PREP: variants seen among roughly 807,000 people sequenced by gnomAD.
PREP encodes the protein prolyl endopeptidase.
In PREP, 29 loss-of-function variants were observed where a neutral mutation model predicts 87.6. That is an observed-to-expected ratio of 0.33 (90% CI 0.25 to 0.45). PREP has a LOEUF of 0.45. PREP is among the 20% of genes least tolerant of loss of function. The pLI, the probability that PREP is intolerant of heterozygous loss-of-function variation, is 1.00. For synonymous variants in PREP, 337 were observed against 328.6 expected, an observed-to-expected ratio of 1.03 and a Z score of -0.28; for missense variants, 695 against 886.5, an observed-to-expected ratio of 0.78 and a Z score of 2.74.
chr6:105,388,091 C>T (rs1049564226), intron 2 of PREP, among the ~76,000 whole-genome samples: 12 of 152,158 alleles, frequency 7.9e-5, no homozygotes, highest in Admixed American at 2.0e-4. Flanking sequence ...ATGCTCCCTC[C>T]GTAGCGCCCT....
chr6:105,277,330 G>A lies in PREP; in HGVS notation c.*814C>T, dbSNP rs1256567627. On this transcript the variant is annotated 3_prime_UTR_variant, in exon 15 of 15. Transcript: ENST00000652536. Reference sequence around the variant, plus strand: ...ACTCATGTGATCTCTTGGAACCAAGGATCCTTGGATCCAAGGAACTCTGAT... The same window carrying A: ...ACTCATGTGATCTCTTGGAACCAAGAATCCTTGGATCCAAGGAACTCTGAT... 6.6e-6 allele frequency among the ~76,000 whole-genome samples: 1 copy of A among 152,062 alleles called. No individual in the cohort carries two copies. Among genetic ancestry groups the A allele is most frequent in the Non-Finnish European group, 1.5e-5 (1 of 68,004 alleles).
chr6:105,282,953 C>A (rs1421717797), intron 12 of PREP, among the ~76,000 whole-genome samples: 1 of 152,206 alleles, frequency 6.6e-6, no homozygotes, highest in Non-Finnish European at 1.5e-5. Context: ...AAAGCAAGAC[C>A]TGCAGCAGTG....
At position 105,300,828 on chromosome 6, in the gene PREP, C is replaced by CA. The variant is rs148086323; in HGVS notation, c.1318-11935dup. Among the ~76,000 whole-genome samples the CA allele has an allele frequency of 4.3e-3, 624 of 144,058 alleles. 2 individuals carry two copies. Among genetic ancestry groups the CA allele is most frequent in the African/African-American group, 0.014 (557 of 39,246 alleles). The allele number at this position is 144,058 out of a possible 152,430, so 94.5% of individuals were successfully genotyped here. A position where few individuals can be genotyped will look rare whatever the true frequency, so the allele number is the denominator to read the frequency against. ...CTGCCTTAACATGTAAATCTGATTT[C>CA]AAAAAAAAAAGAATATCTTCCTTTA... On this transcript the variant is annotated intron_variant, in intron 10 of 14. Coordinates refer to ENST00000652536, the MANE Select transcript of PREP (RefSeq NM_002726.5).
chr6:105,380,145 A>G (rs777991756), intron 2 of PREP, among the ~76,000 whole-genome samples: 7 of 152,216 alleles, frequency 4.6e-5, no homozygotes, highest in Non-Finnish European at 7.3e-5. Context: ...GAAAGAGGGC[A>G]CCTAATTAAG....
intron 7 of PREP, among the ~76,000 whole-genome samples, chr6:105,350,507 C>T (rs975021044): frequency 1.2e-4 from 19 of 152,248 alleles, no homozygotes; most frequent in African/African-American, 4.6e-4. Flanking sequence ...TTAATGATCC[C>T]TATCTGAATC....
At chr6:105,364,988 G>A (rs1772349884) in intron 6 of PREP, among the ~76,000 whole-genome samples, 1 of 152,336 alleles carries the variant, frequency 6.6e-6, no homozygotes, top group South Asian at 2.1e-4. Flanking sequence ...AGTGGCTCAC[G>A]CCTGTAATCC....
intron 10 of PREP, among the ~76,000 whole-genome samples, chr6:105,294,739 T>A (rs1270089395): frequency 1.3e-5 from 2 of 150,688 alleles, no homozygotes; most frequent in African/African-American, 5.0e-5. Flanking sequence ...GAATTTCTTC[T>A]GCAAAGAACT....
At chr6:105,327,500 T>C (rs929559617) in intron 9 of PREP, among the ~76,000 whole-genome samples, 5 of 152,124 alleles carry the variant, frequency 3.3e-5, no homozygotes, top group African/African-American at 1.2e-4. Context: ...CAGAACATCA[T>C]TCTTTTGGTT....
At chr6:105,373,718 A>G (rs1445376582) in intron 4 of PREP, 140 bp from the exon 5 acceptor site, 1 of 877,536 alleles carries the variant, frequency 1.1e-6, no homozygotes, top group African/African-American at 1.7e-5. Context: ...GTAGTGAGGA[A>G]TCCCGGGGGC....
chr6:105,298,819 G>A (rs1770471977), intron 10 of PREP: 1 of 152,554 alleles, frequency 6.6e-6, no homozygotes, highest in Non-Finnish European at 1.5e-5. Context: ...GGCAATGTCT[G>A]GGGTCATAAA....
At chr6:105,312,107 G>C (rs564524661) in intron 10 of PREP, among the ~76,000 whole-genome samples, 1 of 152,254 alleles carries the variant, frequency 6.6e-6, no homozygotes. Flanking sequence ...TCCAGATGTA[G>C]GTAGCACATA....
At position 105,383,793 on chromosome 6, in the gene PREP, C is replaced by T. The variant is rs532288257; in HGVS notation, c.121-6274G>A. Among the ~76,000 whole-genome samples the T allele has an allele frequency of 2.6e-5, 4 of 152,246 alleles. No individual in the cohort carries two copies. In the East Asian group the frequency reaches 7.7e-4, roughly 29 times the overall value. On this transcript the variant is annotated intron_variant, in intron 2 of 14. Coordinates refer to ENST00000652536, the MANE Select transcript of PREP (RefSeq NM_002726.5). ...GCCTTGTTCTCAATACTCGTCATGA[C>T]CAGGGAAAACTGAAATTTTAACCCC... is the stretch of plus-strand genomic sequence containing the variant.
At chr6:105,295,140 T>C (rs1770381007) in intron 10 of PREP, among the ~76,000 whole-genome samples, 1 of 145,602 alleles carries the variant, frequency 6.9e-6, no homozygotes. Context: ...AATTCAAGAG[T>C]AGTTTCCAAT....
At chr6:105,394,298 C>G (rs559621520) in intron 2 of PREP, among the ~76,000 whole-genome samples, 1 of 152,158 alleles carries the variant, frequency 6.6e-6, no homozygotes, top group South Asian at 2.1e-4. Context: ...CTAGAAAGTT[C>G]TTTCTCACTA....
At chr6:105,369,084 AC>A in intron 5 of PREP, 60 bp from the exon 6 acceptor site, 1 of 1,575,072 alleles carries the variant, frequency 6.3e-7, no homozygotes, top group Non-Finnish European at 8.7e-7. Context: ...AATCAATTCC[AC>A]CCATATTGCA....
At chr6:105,343,472 G>T (rs1234110901) in intron 7 of PREP, among the ~76,000 whole-genome samples, 1 of 152,246 alleles carries the variant, frequency 6.6e-6, no homozygotes, top group Admixed American at 6.5e-5. Flanking sequence ...CATGGGCAAG[G>T]ACTTCATGAC....
intron 6 of PREP, among the ~76,000 whole-genome samples, chr6:105,367,481 G>A (rs530299814): frequency 3.9e-5 from 6 of 152,132 alleles, no homozygotes; most frequent in African/African-American, 7.2e-5. Context: ...AGACCATCCC[G>A]GCTAAAACGG....
At chr6:105,376,390 C>T (rs924894636) in intron 3 of PREP, 135 bp from the exon 4 acceptor site, 20 of 960,440 alleles carry the variant, frequency 2.1e-5, no homozygotes, top group Admixed American at 5.0e-5. Flanking sequence ...ATCGCAGGGA[C>T]GTGGGGACAT....
intron 6 of PREP, among the ~76,000 whole-genome samples, chr6:105,364,046 C>T (rs1344838805): frequency 2.0e-5 from 3 of 152,196 alleles, no homozygotes; most frequent in Non-Finnish European, 4.4e-5. Flanking sequence ...ATAAGCAAAA[C>T]TCCAGTTTCT....
Sources: gnomAD v4.1 joint callset for allele counts (sites outside exome capture counted in the v4.1 genomes callset) on GRCh38, gnomAD v4.1.1 for gene constraint, MANE v1.5 for transcripts, NCBI Gene and HGNC (gene_info 2026-07-23, HGNC 2026-07-21) for gene names.